DDX46: variants seen among roughly 807,000 people sequenced by gnomAD.
DDX46 encodes DEAD-box helicase 46, also known as probable ATP-dependent RNA helicase DDX46.
Under a neutral mutation model 134.9 loss-of-function variants are expected in DDX46, and 30 were observed. That is an observed-to-expected ratio of 0.22 (90% CI 0.17 to 0.30). The LOEUF is 0.30. Ranked by LOEUF, DDX46 falls within the 10% of genes least tolerant of loss-of-function variation. The pLI, the probability that DDX46 is intolerant of heterozygous loss-of-function variation, is 1.00. For missense variants in DDX46, 622 were observed against 1,248.7 expected, an observed-to-expected ratio of 0.50 and a Z score of 7.56; for synonymous variants, 415 against 404.1, an observed-to-expected ratio of 1.03 and a Z score of -0.32.
chr5:134,763,218 G>A (rs1408826167), intron 1 of DDX46, among the ~76,000 whole-genome samples: 1 of 152,142 alleles, frequency 6.6e-6, no homozygotes, highest in South Asian at 2.1e-4. Flanking sequence ...GGATAATAGA[G>A]TGAGGCCTGT....
At chr5:134,802,159 CTTTTTTTTT>C (rs542615882) in intron 15 of DDX46, among the ~76,000 whole-genome samples, 1 of 73,284 alleles carries the variant, frequency 1.4e-5, no homozygotes, top group Non-Finnish European at 2.5e-5. Context: ...TAATTTCTTT[CTTTTTTTTT>C]TTTTTTTTTT....
intron 14 of DDX46, 119 bp from the exon 15 acceptor site, chr5:134,795,869 C>T (rs969177262): frequency 2.1e-6 from 2 of 953,370 alleles, no homozygotes; most frequent in Non-Finnish European, 3.1e-6. Context: ...CTTCCTAGCC[C>T]TTGGTAAAGA....
chr5:134,758,886 C>T lies in DDX46; in HGVS notation c.-53C>T, dbSNP rs751274184. ...GGGCAGCTCAGCCTCCTTGTTTGTC[C>T]GGTTCGCCTGTGCGTGGTACTCAAG... On this transcript the variant is annotated 5_prime_UTR_variant, in exon 1 of 23. Transcript: ENST00000452510. The T allele has an allele frequency of 3.1e-6, 5 of 1,613,726 alleles. No individual in the cohort carries two copies. The highest frequency in any genetic ancestry group is 3.3e-5 in the Admixed American group (2 of 60,018).
chr5:134,768,982 C>T (rs962914533), intron 3 of DDX46, among the ~76,000 whole-genome samples: 4 of 152,020 alleles, frequency 2.6e-5, no homozygotes, highest in African/African-American at 7.2e-5. Flanking sequence ...CACTTGAAGC[C>T]GGGAGGTGGA....
At chr5:134,815,067 T>C (rs948518248) in intron 18 of DDX46, among the ~76,000 whole-genome samples, 2 of 152,138 alleles carry the variant, frequency 1.3e-5, no homozygotes, top group Non-Finnish European at 2.9e-5. Flanking sequence ...GACAACACAG[T>C]GAGACCCCAT....
chr5:134,822,106 T>TG (rs959688662), intron 21 of DDX46, among the ~76,000 whole-genome samples: 1 of 152,022 alleles, frequency 6.6e-6, no homozygotes, highest in African/African-American at 2.4e-5. Context: ...CTTGAACTCC[T>TG]GACCTCAGGT....
At chr5:134,815,729 A>T (rs910271435) in intron 18 of DDX46, among the ~76,000 whole-genome samples, 1 of 151,338 alleles carries the variant, frequency 6.6e-6, no homozygotes, top group South Asian at 2.1e-4. Context: ...AAAAAAAAAA[A>T]AAAGAAATGC....
chr5:134,801,683 G>C (rs115318133), intron 15 of DDX46, among the ~76,000 whole-genome samples: 1,696 of 152,294 alleles, frequency 0.011, 19 homozygotes, highest in Non-Finnish European at 0.015. Flanking sequence ...TCAAGCCTGA[G>C]CCACGGTGCC....
intron 9 of DDX46, among the ~76,000 whole-genome samples, chr5:134,783,976 C>T (rs1561860023): frequency 1.3e-5 from 2 of 151,708 alleles, no homozygotes; most frequent in Admixed American, 6.6e-5. Context: ...TGAACCACTG[C>T]GCCCTGCCTA....
At chr5:134,827,568 C>T (rs530698268) in intron 22 of DDX46, among the ~76,000 whole-genome samples, 6 of 152,306 alleles carry the variant, frequency 3.9e-5, no homozygotes, top group African/African-American at 4.8e-5. Flanking sequence ...CCGTGGCGCC[C>T]GGCCCTATAT....
At chr5:134,817,437 G>A in intron 19 of DDX46, 59 bp from the exon 20 acceptor site, 1 of 1,509,044 alleles carries the variant, frequency 6.6e-7, no homozygotes, top group Non-Finnish European at 9.0e-7. Context: ...TTTGTGGTGT[G>A]GTCCCTACTC....
intron 19 of DDX46, 114 bp downstream of exon 19, chr5:134,816,720 A>G: frequency 9.6e-7 from 1 of 1,036,640 alleles, no homozygotes; most frequent in Non-Finnish European, 1.4e-6. Context: ...TGAGTTTGTG[A>G]GAATTTAACA....
chr5:134,795,204 GT>G (rs879550711), intron 14 of DDX46, among the ~76,000 whole-genome samples, 190 bp downstream of exon 14: 1,688 of 125,664 alleles, frequency 0.013, 24 homozygotes, highest in African/African-American at 0.045. Flanking sequence ...TAAAATGCTT[GT>G]TTTTTTTTTT....
chr5:134,820,394 A>C (rs1010627022), intron 21 of DDX46, among the ~76,000 whole-genome samples: 2 of 151,206 alleles, frequency 1.3e-5, no homozygotes, highest in Admixed American at 6.6e-5. Context: ...AGGGTTTAGC[A>C]CTCTATCGCC....
intron 21 of DDX46, among the ~76,000 whole-genome samples, chr5:134,823,819 C>A (rs367601268): frequency 2.6e-5 from 4 of 152,292 alleles, no homozygotes; most frequent in South Asian, 4.1e-4. Flanking sequence ...TTAGATCATA[C>A]AGGCTGAAGA....
intron 15 of DDX46, among the ~76,000 whole-genome samples, chr5:134,802,924 T>G (rs1754875190): frequency 6.6e-6 from 1 of 152,196 alleles, no homozygotes; most frequent in Admixed American, 6.5e-5. Flanking sequence ...AAATAGGGCA[T>G]TAACTTGGCA....
chr5:134,826,774 G>A lies in DDX46; in HGVS notation c.2978-173G>A, dbSNP rs552492848. On this transcript the variant is annotated intron_variant, in intron 21 of 22. Transcript: ENST00000452510. The stretch of plus-strand genomic sequence containing the variant: ...ACTCTGAAAGTAATCAAAATAATAA[G>A]CAGCCATTATATAATGTGGGTAATG... 4 of 531,354 alleles carry A rather than the reference G, an allele frequency of 7.5e-6. No individual in the cohort carries two copies. The Admixed American group carries it at 1.1e-4, about 15-fold the overall frequency. The allele number at this position is 531,354 out of a possible 1,614,324, so 32.9% of individuals were successfully genotyped here.
At chr5:134,760,035 ATC>A (rs1753329302) in intron 1 of DDX46, among the ~76,000 whole-genome samples, 1 of 152,098 alleles carries the variant, frequency 6.6e-6, no homozygotes, top group South Asian at 2.1e-4. Context: ...AGACTACTAC[ATC>A]TGTTTTAAAT....
intron 15 of DDX46, among the ~76,000 whole-genome samples, 182 bp downstream of exon 15, chr5:134,796,332 A>C (rs969333053): frequency 5.9e-5 from 9 of 152,246 alleles, no homozygotes; most frequent in Admixed American, 5.9e-4. Context: ...AAAGAAGATC[A>C]TACAGGCATA....
Sources: gnomAD v4.1 joint callset for allele counts (sites outside exome capture counted in the v4.1 genomes callset) on GRCh38, gnomAD v4.1.1 for gene constraint, MANE v1.5 for transcripts, NCBI Gene and HGNC (gene_info 2026-07-23, HGNC 2026-07-21) for gene names.